The following RGS3 variants were observed in gnomAD, a reference collection of about 807,000 sequenced individuals.
RGS3 encodes the protein regulator of G-protein signalling 3.
RGS3 carries 80 observed loss-of-function variants against 132.6 expected under a neutral mutation model. That is an observed-to-expected ratio of 0.60 (90% CI 0.50 to 0.73). The LOEUF (loss-of-function observed/expected upper bound fraction) is 0.73, where lower values mean the gene tolerates loss of function less well. RGS3 is among the 30% of genes least tolerant of loss of function. The pLI, the probability that RGS3 is intolerant of heterozygous loss-of-function variation, is 0.00. For missense variants in RGS3, 1,382 were observed against 1,530.8 expected, an observed-to-expected ratio of 0.90 and a Z score of 1.62; for synonymous variants, 598 against 620.6, an observed-to-expected ratio of 0.96 and a Z score of 0.54.
chr9:113,591,427 C>T lies in RGS3; in HGVS notation c.3080+30C>T, dbSNP rs201163072. On this transcript the variant is annotated intron_variant, in intron 21 of 24. Transcript: ENST00000350696. This position sits in a 1 kb window ranked among gnomAD's most constrained non-coding sequence, Gnocchi z 4.4. ...GTTGGGAAGATCCCTGGCTTCTGCG[C>T]TCCTCTTCCTCCCTTGCCCCAGGGC... 6 of 1,590,386 alleles carry T rather than the reference C, an allele frequency of 3.8e-6. No individual in the cohort carries two copies. The East Asian group carries it at 1.3e-4, about 36-fold the overall frequency.
chr9:113,597,069 GACAGAC>G, exon 25 of RGS3: 1 of 851,548 alleles, frequency 1.2e-6, no homozygotes, highest in Non-Finnish European at 1.8e-6. Context: ...TGTGTCTCTG[GACAGAC>G]GGATAGACAT....
intron 1 of RGS3, among the ~76,000 whole-genome samples, chr9:113,448,431 T>C (rs566197975): frequency 2.6e-5 from 4 of 152,300 alleles, no homozygotes; most frequent in East Asian, 1.9e-4. Flanking sequence ...TCTGACTTTT[T>C]TTTTGGTACT....
chr9:113,583,744 C>G, exon 20 of RGS3: 1 of 1,614,112 alleles, frequency 6.2e-7, no homozygotes, highest in Non-Finnish European at 8.5e-7. Context: ...AGACCTCTCA[C>G]CCTGCCAGGA....
At chr9:113,555,461 C>T (rs985222461) in intron 19 of RGS3, among the ~76,000 whole-genome samples, 3 of 150,956 alleles carry the variant, frequency 2.0e-5, no homozygotes, top group African/African-American at 4.9e-5. Flanking sequence ...TTTCGGTTTC[C>T]GGTTGTGACT....
chr9:113,582,602 G>A (rs1213125017), intron 19 of RGS3: 1 of 152,186 alleles, frequency 6.6e-6, no homozygotes, highest in Admixed American at 6.5e-5. Context: ...ACTTTCTCGG[G>A]GCCCCAATCT....
chr9:113,479,599 C>G (rs1467425888), intron 4 of RGS3, 58 bp downstream of exon 2: 2 of 1,535,766 alleles, frequency 1.3e-6, no homozygotes, highest in Non-Finnish European at 1.8e-6. Context: ...AGCTTGCTGC[C>G]TGGGGCTGGG....
At chr9:113,484,075 C>T in intron 5 of RGS3, 63 bp from the exon 4 acceptor site, 1 of 982,150 alleles carries the variant, frequency 1.0e-6, no homozygotes, top group Non-Finnish European at 1.6e-6. Flanking sequence ...TGTGCAGAGT[C>T]AGCTGCTGGG....
At chr9:113,554,986 G>A (rs1833508888) in intron 19 of RGS3, among the ~76,000 whole-genome samples, 1 of 152,010 alleles carries the variant, frequency 6.6e-6, no homozygotes, top group South Asian at 2.1e-4. Context: ...TTAATTTAAT[G>A]CCTGGTGTCA....
chr9:113,532,711 CTG>C (rs1327898638), intron 18 of RGS3, among the ~76,000 whole-genome samples: 3 of 152,154 alleles, frequency 2.0e-5, no homozygotes, highest in African/African-American at 7.2e-5. Flanking sequence ...GGGCTTAGCA[CTG>C]TGCAGGGCAT....
At chr9:113,563,010 G>A (rs1205270785) in intron 19 of RGS3, among the ~76,000 whole-genome samples, 1 of 152,236 alleles carries the variant, frequency 6.6e-6, no homozygotes, top group Non-Finnish European at 1.5e-5. Flanking sequence ...GGAGCTATGG[G>A]AGGCAGAGGG....
chr9:113,542,726 G>A (rs1280567188), intron 19 of RGS3, among the ~76,000 whole-genome samples: 2 of 152,228 alleles, frequency 1.3e-5, no homozygotes, highest in African/African-American at 2.4e-5. Flanking sequence ...GAAGTTGGGG[G>A]CAGTGAGTGC....
intron 14 of RGS3, among the ~76,000 whole-genome samples, chr9:113,511,946 AC>A (rs1831423508): frequency 6.6e-6 from 1 of 152,014 alleles, no homozygotes; most frequent in South Asian, 2.1e-4. Context: ...CCTTCTACTA[AC>A]CCTGGTAGGT....
At chr9:113,578,599 C>T (rs1301459731) in intron 19 of RGS3, among the ~76,000 whole-genome samples, 1 of 152,082 alleles carries the variant, frequency 6.6e-6, no homozygotes, top group Non-Finnish European at 1.5e-5. Flanking sequence ...GTGTCAGCCT[C>T]TGGGTGGTCA....
chr9:113,556,993 A>G (rs1400355528), intron 19 of RGS3, among the ~76,000 whole-genome samples: 2 of 152,232 alleles, frequency 1.3e-5, no homozygotes, highest in African/African-American at 2.4e-5. Context: ...CTCTTCTTAT[A>G]GAACACACGC....
At chr9:113,558,328 C>G (rs1283384166) in intron 19 of RGS3, among the ~76,000 whole-genome samples, 1 of 152,110 alleles carries the variant, frequency 6.6e-6, no homozygotes, top group African/African-American at 2.4e-5. Flanking sequence ...ATGGTGAAGC[C>G]TTGTCTCTAC....
intron 19 of RGS3, chr9:113,541,442 G>A (rs752215170): frequency 1.7e-5 from 28 of 1,611,376 alleles, no homozygotes; most frequent in Admixed American, 8.4e-5. Context: ...ACCCAAGGGC[G>A]GGACTCTGCT....
At chr9:113,550,716 G>A (rs1214513896) in intron 19 of RGS3, among the ~76,000 whole-genome samples, 6 of 151,786 alleles carry the variant, frequency 4.0e-5, no homozygotes, top group South Asian at 4.2e-4. Context: ...TCTTTTTTTC[G>A]TTATTAGAGA....
intron 14 of RGS3, 37 bp from the exon 13 acceptor site, chr9:113,514,421 C>T (rs368910822): frequency 1.0e-5 from 16 of 1,583,004 alleles, no homozygotes; most frequent in African/African-American, 1.3e-5. Context: ...GCAGGAGTGA[C>T]GGAAATGTCT....
At chr9:113,589,371 G>T (rs188463985) in intron 20 of RGS3, among the ~76,000 whole-genome samples, 19 of 152,196 alleles carry the variant, frequency 1.2e-4, no homozygotes, top group African/African-American at 4.3e-4. Context: ...GCTCTTTTTG[G>T]TGCTGGGGTT....
Sources: allele counts gnomAD v4.1 joint callset (sites outside exome capture counted in the v4.1 genomes callset), GRCh38; gene constraint gnomAD v4.1.1; non-coding constraint Gnocchi (gnomAD v3.1); transcripts MANE v1.5; gene names NCBI Gene and HGNC (gene_info 2026-07-23, HGNC 2026-07-21).